SLC6A11: variants seen among roughly 807,000 people sequenced by gnomAD.
SLC6A11 encodes solute carrier family 6 member 11, also known as sodium- and chloride-dependent GABA transporter 3.
A neutral mutation model predicts 74.8 loss-of-function variants in SLC6A11; 25 were observed. That is an observed-to-expected ratio of 0.33 (90% CI 0.24 to 0.47). The LOEUF (loss-of-function observed/expected upper bound fraction) is 0.47. Among genes scored for constraint, SLC6A11 ranks in the 20% least tolerant of loss-of-function variants. The pLI, the probability that SLC6A11 is intolerant of heterozygous loss-of-function variation, is 1.00. For synonymous variants in SLC6A11, 330 were observed against 330.2 expected, an observed-to-expected ratio of 1.00 and a Z score of 0.01; for missense variants, 574 against 837.0, an observed-to-expected ratio of 0.69 and a Z score of 3.88.
At chr3:10,847,743 CAG>C (rs1291923196) in intron 5 of SLC6A11, among the ~76,000 whole-genome samples, 1 of 152,192 alleles carries the variant, frequency 6.6e-6, no homozygotes. Context: ...GTAAGCTTTT[CAG>C]GGGAGGATCT....
chr3:10,936,651 C>T (rs968823801), intron 13 of SLC6A11, among the ~76,000 whole-genome samples: 26 of 152,212 alleles, frequency 1.7e-4, no homozygotes, highest in African/African-American at 6.3e-4. Context: ...CTCCTTGGAG[C>T]CTGCAGGGAA....
chr3:10,938,099 C>T (rs1339398121), intron 13 of SLC6A11, 151 bp from the exon 14 acceptor site: 1 of 605,482 alleles, frequency 1.7e-6, no homozygotes. Context: ...TCATCCAGGA[C>T]AGAGCTGTAA....
chr3:10,910,399 A>G (rs967532578), intron 6 of SLC6A11, among the ~76,000 whole-genome samples: 11 of 152,174 alleles, frequency 7.2e-5, no homozygotes, highest in Non-Finnish European at 4.4e-5. Context: ...ATGCTACCAC[A>G]TGGAGGAGAG....
chr3:10,835,489 C>T (rs890486057), intron 4 of SLC6A11, among the ~76,000 whole-genome samples: 1 of 152,200 alleles, frequency 6.6e-6, no homozygotes, highest in Non-Finnish European at 1.5e-5. Flanking sequence ...TCACTTCTCC[C>T]GGTGAGGCCT....
At chr3:10,838,072 A>C (rs926247837) in intron 4 of SLC6A11, among the ~76,000 whole-genome samples, 2 of 152,200 alleles carry the variant, frequency 1.3e-5, no homozygotes, top group African/African-American at 4.8e-5. Context: ...CACTTTCCTC[A>C]GTGGCAGGTT....
chr3:10,894,175 C>A (rs1259750919), intron 6 of SLC6A11, among the ~76,000 whole-genome samples: 1 of 152,232 alleles, frequency 6.6e-6, no homozygotes, highest in Non-Finnish European at 1.5e-5. Flanking sequence ...CTGGGTCCTG[C>A]TGCTCCCACT....
chr3:10,862,949 C>A (rs764114077), intron 5 of SLC6A11, among the ~76,000 whole-genome samples: 3 of 152,190 alleles, frequency 2.0e-5, no homozygotes, highest in Admixed American at 6.5e-5. Context: ...AATTCAACTG[C>A]GAGTATTTTA....
intron 7 of SLC6A11, among the ~76,000 whole-genome samples, chr3:10,912,449 T>G (rs1391529448): frequency 1.3e-5 from 2 of 152,214 alleles, no homozygotes; most frequent in Non-Finnish European, 2.9e-5. Flanking sequence ...CAGGTCTCAG[T>G]GCCACCTCGT....
chr3:10,890,611 G>T (rs1021703797), intron 6 of SLC6A11, among the ~76,000 whole-genome samples: 2 of 152,224 alleles, frequency 1.3e-5, no homozygotes, highest in Non-Finnish European at 2.9e-5. Context: ...TAAATCCCAC[G>T]CTGTCATCAT....
At position 10,938,482 on chromosome 3, in the gene SLC6A11, C is replaced by T; in HGVS notation, c.*80C>T. The T allele has an allele frequency of 2.1e-6, 3 of 1,421,976 alleles. No homozygotes were observed. The highest frequency in any genetic ancestry group is 2.9e-6 in the Non-Finnish European group (3 of 1,048,024). 88.1% of individuals were successfully genotyped at this position (1,421,976 alleles called of 1,614,324 possible). A position where few individuals can be genotyped will look rare whatever the true frequency, so the allele number is the denominator to read the frequency against. ...TGAATTCCTGAACCCCATACTTCAC[C>T]TAATGGTAGGGGCTTGCTTGTTTTG... On this transcript the variant is annotated 3_prime_UTR_variant, in exon 14 of 14. Coordinates refer to ENST00000254488, the MANE Select transcript of SLC6A11 (RefSeq NM_014229.3).
At position 10,819,752 on chromosome 3, in the gene SLC6A11, T is replaced by C; in HGVS notation, c.432T>C (p.Asn144=). 6.2e-7 allele frequency: 1 copy of C among 1,614,248 alleles called. No individual in the cohort carries two copies. The highest frequency in any genetic ancestry group is 8.5e-7 in the Non-Finnish European group (1 of 1,180,040). ...CACAGGTGATTGAGGCCCATCTGAATGTGTACTACATCATCATCCTGGCAT... is the reference window on the plus strand; with the variant it reads ...CACAGGTGATTGAGGCCCATCTGAACGTGTACTACATCATCATCCTGGCAT... ...YATQVIEAHL[N]VYYIIILAWA... is the part of the protein sequence containing the mutation. Residue 144 remains asparagine (N), a synonymous_variant, in exon 3 of 14, where the codon AAT becomes AAC. Transcript: ENST00000254488.
At chr3:10,868,717 G>A (rs1694793485) in intron 5 of SLC6A11, among the ~76,000 whole-genome samples, 1 of 152,130 alleles carries the variant, frequency 6.6e-6, no homozygotes, top group Admixed American at 6.5e-5. Context: ...GACCTTATTA[G>A]GCCCATCACC....
At chr3:10,936,416 C>G (rs1419475842) in intron 13 of SLC6A11, among the ~76,000 whole-genome samples, 2 of 152,168 alleles carry the variant, frequency 1.3e-5, no homozygotes, top group African/African-American at 4.8e-5. Context: ...CAGGGCCACA[C>G]CCCAGGGACT....
chr3:10,880,692 G>C (rs530410344), intron 6 of SLC6A11, among the ~76,000 whole-genome samples: 1 of 152,158 alleles, frequency 6.6e-6, no homozygotes, highest in African/African-American at 2.4e-5. Context: ...GGTGAGCTCA[G>C]GTGGACTGAG....
intron 4 of SLC6A11, among the ~76,000 whole-genome samples, chr3:10,828,541 C>A (rs1407429917): frequency 1.3e-5 from 2 of 152,210 alleles, no homozygotes; most frequent in South Asian, 2.1e-4. Context: ...GGCCTATCTT[C>A]CCCTCTGCAC....
intron 13 of SLC6A11, 94 bp downstream of exon 13, chr3:10,935,293 G>A (rs1159045656): frequency 2.1e-5 from 24 of 1,147,430 alleles, no homozygotes; most frequent in East Asian, 1.9e-4. Flanking sequence ...GACGGCCTGC[G>A]CCCACCTGCC....
intron 7 of SLC6A11, among the ~76,000 whole-genome samples, chr3:10,917,769 C>T (rs1019131137): frequency 6.6e-6 from 1 of 152,324 alleles, no homozygotes; most frequent in Middle Eastern, 3.4e-3. Context: ...GCTGCTCGCT[C>T]ACAGCAGCAG....
intron 3 of SLC6A11, among the ~76,000 whole-genome samples, chr3:10,822,794 G>A (rs1008944623): frequency 2.6e-5 from 4 of 152,158 alleles, no homozygotes; most frequent in African/African-American, 9.7e-5. Flanking sequence ...AGGGATTCTT[G>A]GCATATGTTG....
chr3:10,861,695 C>T (rs937874260), intron 5 of SLC6A11, among the ~76,000 whole-genome samples: 1 of 151,970 alleles, frequency 6.6e-6, no homozygotes, highest in Non-Finnish European at 1.5e-5. Flanking sequence ...TTTAATAGTC[C>T]CTGGGGGACC....
Sources: allele counts gnomAD v4.1 joint callset (sites outside exome capture counted in the v4.1 genomes callset), GRCh38; gene constraint gnomAD v4.1.1; transcripts MANE v1.5; gene names NCBI Gene and HGNC (gene_info 2026-07-23, HGNC 2026-07-21).